ZBTB8B: variants seen among roughly 807,000 people sequenced by gnomAD.
The protein encoded by ZBTB8B is zinc finger and BTB domain containing 8B, also known as zinc finger and BTB domain-containing protein 8B.
Under a neutral mutation model 30.3 loss-of-function variants are expected in ZBTB8B, and 17 were observed. The observed-to-expected ratio is 0.56, with a 90% CI of 0.38 to 0.84. The LOEUF (loss-of-function observed/expected upper bound fraction) is 0.84, where lower values mean the gene tolerates loss of function less well. Among genes scored for constraint, ZBTB8B ranks in the 40% least tolerant of loss-of-function variants. The probability of loss-of-function intolerance (pLI) is 0.00; values close to 1 mark genes in which losing one functional copy is unlikely to be tolerated. For missense variants in ZBTB8B, 515 were observed against 644.9 expected (o/e 0.80, Z 2.18); for synonymous variants, 248 against 255.6 (o/e 0.97, Z 0.28).
chr1:32,493,462 A>AC lies in ZBTB8B; in HGVS notation c.*8044_*8045insC, dbSNP rs1643792920. The AC allele has an allele frequency of 6.6e-6, 1 of 151,752 alleles. No homozygotes were observed. The highest frequency in any genetic ancestry group is 1.5e-5 in the Non-Finnish European group (1 of 67,978). 9.4% of individuals were successfully genotyped at this position (151,752 alleles called of 1,614,324 possible). On this transcript the variant is annotated 3_prime_UTR_variant, in exon 4 of 4. Coordinates refer to ENST00000609129, the MANE Select transcript of ZBTB8B (RefSeq NM_001145720.2). ...GACTGGGTGGTTTTCTTTTTTAAAAAATAATATGGTTTTCTGGCCGGGAGC... is the reference window on the plus strand; with the variant it reads ...GACTGGGTGGTTTTCTTTTTTAAAAACATAATATGGTTTTCTGGCCGGGAGC...
intron 2 of ZBTB8B, 61 bp downstream of exon 2, chr1:32,471,676 G>T: frequency 6.7e-7 from 1 of 1,486,604 alleles, no homozygotes; most frequent in South Asian, 1.3e-5. Flanking sequence ...TCTGTGCCTT[G>T]TGTTCTCCCA....
rs1212985782 is a variant in ZBTB8B at position 32,488,580 on chromosome 1, C to A, written c.*3162C>A. ...CTACTGGCATCTAGTGGGTAGAGGC[C>A]AGGGAAGCTGCCAAACATCCTGAAA... On this transcript the variant is annotated 3_prime_UTR_variant, in exon 4 of 4. Transcript: ENST00000609129. 2.6e-5 allele frequency: 4 copies of A among 152,096 alleles called. No individual in the cohort carries two copies. The highest frequency in any genetic ancestry group is 5.9e-5 in the Non-Finnish European group (4 of 68,034). 9.4% of individuals were successfully genotyped at this position (152,096 alleles called of 1,614,324 possible).
chr1:32,481,350 T>C (rs192726259), intron 3 of ZBTB8B, among the ~76,000 whole-genome samples: 9 of 152,294 alleles, frequency 5.9e-5, no homozygotes, highest in African/African-American at 1.4e-4. Flanking sequence ...TATTGTAATG[T>C]AGAGAACAAC....
At chr1:32,469,972 A>G (rs1262796946) in intron 1 of ZBTB8B, among the ~76,000 whole-genome samples, 1 of 152,122 alleles carries the variant, frequency 6.6e-6, no homozygotes, top group Middle Eastern at 3.4e-3. Context: ...CGCAGCTTAC[A>G]TCTCCTGGGT....
At chr1:32,475,354 G>C (rs972471127) in intron 2 of ZBTB8B, among the ~76,000 whole-genome samples, 1 of 152,174 alleles carries the variant, frequency 6.6e-6, no homozygotes, top group African/African-American at 2.4e-5. Context: ...GGCCGAGGCA[G>C]GTGGATCACT....
intron 3 of ZBTB8B, among the ~76,000 whole-genome samples, chr1:32,483,376 G>A (rs1327801535): frequency 1.3e-5 from 2 of 151,538 alleles, no homozygotes; most frequent in Non-Finnish European, 2.9e-5. Context: ...AGTGAGCCGA[G>A]ATCGGGCCAC....
chr1:32,485,219 C>A lies in ZBTB8B; in HGVS notation c.1289C>A (p.Thr430Lys), dbSNP rs906690868. Residue 430 changes from threonine to lysine, a missense_variant, in exon 4 of 4, where the codon ACA (threonine) becomes AAA (lysine). Around this residue, in one of 3 missense-constraint regions of ZBTB8B, gnomAD observed 429 missense variants for 504.3 expected, o/e 0.85. Coordinates refer to ENST00000609129, the MANE Select transcript of ZBTB8B (RefSeq NM_001145720.2). ...GACAGCTGCACCTGCGTTACAGACACACCCGATGATGATGATGATTTGATG... is the reference window on the plus strand; with the variant it reads ...GACAGCTGCACCTGCGTTACAGACAAACCCGATGATGATGATGATTTGATG... ...LCDSCTCVTD[T>K]PDDDDDLMPI... is the part of the protein sequence containing the mutation. The A allele has an allele frequency of 2.6e-5, 41 of 1,551,836 alleles. No homozygotes were observed. Among genetic ancestry groups the A allele is most frequent in the Non-Finnish European group, 3.5e-5 (40 of 1,147,078 alleles).
At chr1:32,469,556 C>A (rs372769956) in intron 1 of ZBTB8B, among the ~76,000 whole-genome samples, 1 of 151,992 alleles carries the variant, frequency 6.6e-6, no homozygotes, top group Non-Finnish European at 1.5e-5. Flanking sequence ...TGCCTGGCCT[C>A]AAGTATAATT....
chr1:32,471,296 C>T lies in ZBTB8B; in HGVS notation c.672C>T (p.Pro224=). ...GSADSNLSTP[P]KRIEPKVEFD... Reference sequence around the variant, plus strand: ...CTGACAGCAACCTCTCTACTCCACCCAAACGGATAGAGCCCAAGGTGGAAT... The same window carrying T: ...CTGACAGCAACCTCTCTACTCCACCTAAACGGATAGAGCCCAAGGTGGAAT... The change falls in exon 2 of 4, where the codon CCC becomes CCT. Residue 224 remains proline, a synonymous_variant. Coordinates refer to ENST00000609129, the MANE Select transcript of ZBTB8B (RefSeq NM_001145720.2). 1 of 1,551,812 alleles carries T rather than the reference C, an allele frequency of 6.4e-7. No homozygotes were observed. The highest frequency in any genetic ancestry group is 8.7e-7 in the Non-Finnish European group (1 of 1,147,006).
At chr1:32,467,740 G>A (rs1643582574) in intron 1 of ZBTB8B, among the ~76,000 whole-genome samples, 1 of 152,122 alleles carries the variant, frequency 6.6e-6, no homozygotes, top group Admixed American at 6.5e-5. Context: ...GAAGGGCCAG[G>A]ACATAAATAA....
At chr1:32,474,600 G>T (rs1434969368) in intron 2 of ZBTB8B, among the ~76,000 whole-genome samples, 1 of 152,064 alleles carries the variant, frequency 6.6e-6, no homozygotes, top group Non-Finnish European at 1.5e-5. Context: ...TGAGACACTG[G>T]CTTCACCAGC....
rs187794932 is a variant in ZBTB8B, at chr1:32,481,193, G to C, written c.1170+124G>C. ...TGGGGTATTTTCAGATAATTTCCACGTATGTTTTTACTACTAAATTAAAGC... is the reference window on the plus strand; with the variant it reads ...TGGGGTATTTTCAGATAATTTCCACCTATGTTTTTACTACTAAATTAAAGC... On this transcript the variant is annotated intron_variant, in intron 3 of 3. Transcript: ENST00000609129. The C allele has an allele frequency of 2.0e-5, 20 of 1,007,884 alleles. 1 individual carries two copies. Among genetic ancestry groups the C allele is most frequent in the African/African-American group, 1.8e-4 (11 of 61,334 alleles). The allele number at this position is 1,007,884 out of a possible 1,614,324, so 62.4% of individuals were successfully genotyped here. A position where few individuals can be genotyped will look rare whatever the true frequency, so the allele number is the denominator to read the frequency against.
In ZBTB8B at chr1:32,485,465, G is replaced by GGATGACAGTGGCGGC; in HGVS notation, c.*47_*48insGATGACAGTGGCGGC. 6.6e-7 allele frequency: 1 copy of GGATGACAGTGGCGGC among 1,511,990 alleles called. No individual in the cohort carries two copies. Among genetic ancestry groups the GGATGACAGTGGCGGC allele is most frequent in the East Asian group, 2.5e-5 (1 of 40,494 alleles). 93.7% of individuals were successfully genotyped at this position (1,511,990 alleles called of 1,614,324 possible). On this transcript the variant is annotated 3_prime_UTR_variant, in exon 4 of 4. Transcript: ENST00000609129. ...GAGGTTTTAAAACTTGTTAGTGCTC[G>GGATGACAGTGGCGGC]TTCTGTTGTTGAAAGATACCATTTG...
At chr1:32,476,179 A>G (rs538864939) in intron 2 of ZBTB8B, among the ~76,000 whole-genome samples, 1 of 152,142 alleles carries the variant, frequency 6.6e-6, no homozygotes, top group South Asian at 2.1e-4. Context: ...GCTGTCACCC[A>G]GGCTGGAGTG....
chr1:32,484,883 G>A lies in ZBTB8B; in HGVS notation c.1171-218G>A, dbSNP rs554814006. 1.3e-5 allele frequency among the ~76,000 whole-genome samples: 2 copies of A among 152,238 alleles called. No homozygotes were observed. Among genetic ancestry groups the A allele is most frequent in the African/African-American group, 2.4e-5 (1 of 41,522 alleles). ...CTTCCTGTACAGCCTGTGGAACTGT[G>A]AGCCAATTAAACCTCTTTTCTTTAT... On this transcript the variant is annotated intron_variant, in intron 3 of 3. Transcript: ENST00000609129. The surrounding 1 kb of genome is among the most constrained non-coding windows in gnomAD (Gnocchi z 4.5).
At chr1:32,478,081 A>G (rs564749967) in intron 2 of ZBTB8B, among the ~76,000 whole-genome samples, 41 of 152,036 alleles carry the variant, frequency 2.7e-4, no homozygotes, top group African/African-American at 9.9e-4. Flanking sequence ...TTAGCTGCAC[A>G]TGGTGGCACA....
chr1:32,483,015 C>A (rs1181980788), intron 3 of ZBTB8B, among the ~76,000 whole-genome samples: 2 of 151,730 alleles, frequency 1.3e-5, no homozygotes, highest in African/African-American at 2.4e-5. Context: ...TTGCTTGCAC[C>A]CAGAGCTCTC....
rs190927837 is a variant in ZBTB8B at position 32,480,295 on chromosome 1, G to C, written c.992-596G>C. Among the ~76,000 whole-genome samples, 15 of 151,924 alleles carry C rather than the reference G, an allele frequency of 9.9e-5. No homozygotes were observed. In the East Asian group the frequency reaches 2.7e-3, roughly 28 times the overall value. Reference sequence around the variant, plus strand: ...GGGGGTGGGGGTGAGAGGAATGGTGGGGGGTATGCAGGGAGAAGGAGAGAG... The same window carrying C: ...GGGGGTGGGGGTGAGAGGAATGGTGCGGGGTATGCAGGGAGAAGGAGAGAG... On this transcript the variant is annotated intron_variant, in intron 2 of 3. Coordinates refer to ENST00000609129, the MANE Select transcript of ZBTB8B (RefSeq NM_001145720.2).
intron 1 of ZBTB8B, among the ~76,000 whole-genome samples, chr1:32,469,842 C>A (rs1353553789): frequency 7.9e-5 from 12 of 152,156 alleles, no homozygotes. Context: ...CATAAATTAA[C>A]CCAGTTGGAT....
Sources: gnomAD v4.1 joint callset for allele counts (sites outside exome capture counted in the v4.1 genomes callset) on GRCh38, gnomAD v4.1.1 for gene constraint, gnomAD v4.1.1 regional missense constraint, Gnocchi (gnomAD v3.1) non-coding constraint, MANE v1.5 for transcripts, NCBI Gene and HGNC (gene_info 2026-07-23, HGNC 2026-07-21) for gene names.